MYO9A: variants seen among roughly 807,000 people sequenced by gnomAD.
MYO9A encodes the protein myosin IXA, also known as unconventional myosin-IXa.
MYO9A carries 103 observed loss-of-function variants against 293.3 expected under a neutral mutation model. The observed-to-expected ratio is 0.35, with a 90% CI of 0.30 to 0.41. MYO9A has a LOEUF of 0.41. MYO9A is among the 10% of genes least tolerant of loss of function. The pLI, the probability that MYO9A is intolerant of heterozygous loss-of-function variation, is 1.00. For missense variants in MYO9A, 2,685 were observed against 3,033.0 expected (o/e 0.89, Z 2.69); for synonymous variants, 1,001 against 1,035.7 (o/e 0.97, Z 0.64).
chr15:71,982,554 T>C (rs1242974011), intron 11 of MYO9A, among the ~76,000 whole-genome samples: 1 of 152,210 alleles, frequency 6.6e-6, no homozygotes. Flanking sequence ...CAGTTATATA[T>C]TTGATTTTTA....
At chr15:71,849,077 A>G in intron 38 of MYO9A, 109 bp from the exon 39 acceptor site, 1 of 1,052,366 alleles carries the variant, frequency 9.5e-7, no homozygotes, top group South Asian at 1.9e-5. Flanking sequence ...GAAAAAATTA[A>G]CATCCCTTAC....
intron 32 of MYO9A, among the ~76,000 whole-genome samples, chr15:71,864,412 A>C (rs918588697): frequency 2.6e-5 from 4 of 152,176 alleles, no homozygotes; most frequent in African/African-American, 9.6e-5. Flanking sequence ...CACTTGGAAA[A>C]CAGCATGGCA....
At chr15:71,913,525 A>T (rs1347612885) in intron 19 of MYO9A, among the ~76,000 whole-genome samples, 1 of 152,206 alleles carries the variant, frequency 6.6e-6, no homozygotes, top group Admixed American at 6.5e-5. Flanking sequence ...CATTATAGCT[A>T]ATTTGACATT....
chr15:71,934,786 CTTTTT>C (rs1167613386), intron 17 of MYO9A, among the ~76,000 whole-genome samples: 4 of 61,788 alleles, frequency 6.5e-5, no homozygotes, highest in South Asian at 7.9e-4. Flanking sequence ...CTTTTCTTTT[CTTTTT>C]TTTTTTTTTT....
chr15:72,016,934 A>C (rs1035475177), intron 6 of MYO9A, among the ~76,000 whole-genome samples: 4 of 151,564 alleles, frequency 2.6e-5, no homozygotes, highest in Non-Finnish European at 5.9e-5. Context: ...GACCATTATT[A>C]ACCCCTAAAA....
At chr15:71,930,695 T>A (rs2145661776) in intron 18 of MYO9A, among the ~76,000 whole-genome samples, 1 of 152,318 alleles carries the variant, frequency 6.6e-6, no homozygotes, top group African/African-American at 2.4e-5. Context: ...TCCATTTACA[T>A]TCAAACCAGT....
chr15:71,977,618 T>C (rs1468829204), intron 12 of MYO9A, among the ~76,000 whole-genome samples: 2 of 151,084 alleles, frequency 1.3e-5, no homozygotes, highest in Admixed American at 1.3e-4. Flanking sequence ...GAAAGAAACA[T>C]GTAACCAAAA....
intron 18 of MYO9A, among the ~76,000 whole-genome samples, chr15:71,919,116 T>C (rs1274268474): frequency 6.6e-6 from 1 of 152,208 alleles, no homozygotes; most frequent in East Asian, 1.9e-4. Context: ...TTCATTTATT[T>C]GTTAATTTGT....
At chr15:71,849,849 A>C (rs1011144166) in intron 38 of MYO9A, among the ~76,000 whole-genome samples, 187 bp downstream of exon 38, 1 of 152,254 alleles carries the variant, frequency 6.6e-6, no homozygotes, top group African/African-American at 2.4e-5. Context: ...AGATGCTTTA[A>C]GACAAATGAT....
chr15:72,076,279 T>C (rs1449454435), intron 1 of MYO9A, among the ~76,000 whole-genome samples: 1 of 144,170 alleles, frequency 6.9e-6, no homozygotes, highest in Non-Finnish European at 1.5e-5. Flanking sequence ...CACTCCAGCC[T>C]GGGCGACAGA....
At chr15:71,848,710 C>T in intron 39 of MYO9A, 135 bp downstream of exon 39, 1 of 1,004,210 alleles carries the variant, frequency 1.0e-6, no homozygotes, top group South Asian at 2.2e-5. Flanking sequence ...ATCCATAGCA[C>T]CTTGAGATTT....
chr15:71,922,868 CT>C (rs1290389374), intron 18 of MYO9A, among the ~76,000 whole-genome samples: 1 of 151,890 alleles, frequency 6.6e-6, no homozygotes, highest in South Asian at 2.1e-4. Flanking sequence ...ATTTCTATGC[CT>C]TTTTTTTCTT....
chr15:71,897,662 G>A lies in MYO9A; in HGVS notation c.4841C>T (p.Ser1614Phe). 2 of 1,614,150 alleles carry A rather than the reference G, an allele frequency of 1.2e-6. No individual in the cohort carries two copies. Among genetic ancestry groups the A allele is most frequent in the Non-Finnish European group, 8.5e-7 (1 of 1,180,026 alleles). Reference sequence around the variant, plus strand: ...CTTGGATAATTCCTTGACAGTACTAGATTGGCATGGACTTCCTTTTCTTTC... The same window carrying A: ...CTTGGATAATTCCTTGACAGTACTAAATTGGCATGGACTTCCTTTTCTTTC... ...FFERKGSPCQ[S>F]STVKELSKTD... The change falls in exon 25 of 42, where the codon TCT becomes TTT. Residue 1614 changes from serine to phenylalanine, a missense_variant. Around this residue, in one of 10 missense-constraint regions of MYO9A, gnomAD observed 1,434 missense variants for 1,497.7 expected, o/e 0.96. Transcript: ENST00000356056.
intron 10 of MYO9A, 99 bp downstream of exon 10, chr15:71,994,370 A>G: frequency 1.6e-6 from 1 of 642,888 alleles, no homozygotes; most frequent in Non-Finnish European, 2.5e-6. Context: ...TTTCTTACTT[A>G]TTACTCTATA....
chr15:72,094,919 G>A lies in MYO9A; in HGVS notation c.-72+22761C>T, dbSNP rs1247731479. ...CCAAAAATCATGACCATATAAGACA[G>A]TGAACTTAATCAATCAATGTTATGT... On this transcript the variant is annotated intron_variant, in intron 1 of 41. Transcript: ENST00000356056. Among the ~76,000 whole-genome samples, 8 of 91,672 alleles carry A rather than the reference G, an allele frequency of 8.7e-5. 4 individuals are homozygous for A. Among genetic ancestry groups the A allele is most frequent in the Non-Finnish European group, 6.6e-5 (2 of 30,364 alleles). The allele number at this position is 91,672 out of a possible 152,430, so 60.1% of individuals were successfully genotyped here. A position where few individuals can be genotyped will look rare whatever the true frequency, so the allele number is the denominator to read the frequency against.
At chr15:72,085,375 G>C (rs2079685276) in intron 1 of MYO9A, among the ~76,000 whole-genome samples, 1 of 150,356 alleles carries the variant, frequency 6.7e-6, no homozygotes, top group South Asian at 2.1e-4. Flanking sequence ...CCTGGCGACA[G>C]AGTGAGAGAG....
chr15:72,086,435 C>T (rs1314721748), intron 1 of MYO9A, among the ~76,000 whole-genome samples: 2 of 106,468 alleles, frequency 1.9e-5, no homozygotes, highest in South Asian at 3.1e-4. Flanking sequence ...GGGGCACTGG[C>T]GGGGTGGGGC....
intron 3 of MYO9A, 73 bp from the exon 4 acceptor site, chr15:72,027,866 T>C (rs1159725870): frequency 9.0e-7 from 1 of 1,114,184 alleles, no homozygotes; most frequent in Admixed American, 2.1e-5. Context: ...TTGGAGACAG[T>C]GTAAAAGTAT....
chr15:71,938,852 T>C lies in MYO9A; in HGVS notation c.2378A>G (p.His793Arg), dbSNP rs2058700190. The change falls in exon 16 of 42, where the codon CAT becomes CGT. Residue 793 changes from histidine (H) to arginine (R), a missense_variant and splice_region_variant. Transcript: ENST00000356056. ...GAAAACATAAACCAAACACACTTAC[T>C]GTTGGTTTTTTTCATTTAGAGCATT... The part of the protein sequence containing the change: ...GMNALNEKNQ[H>R]DTFDIAWNGR... 1 of 1,604,922 alleles carries C rather than the reference T, an allele frequency of 6.2e-7. No homozygotes were observed. Among genetic ancestry groups the C allele is most frequent in the Non-Finnish European group, 8.5e-7 (1 of 1,174,304 alleles).
Sources: gnomAD v4.1 joint callset for allele counts (sites outside exome capture counted in the v4.1 genomes callset) on GRCh38, gnomAD v4.1.1 for gene constraint, gnomAD v4.1.1 regional missense constraint, MANE v1.5 for transcripts, NCBI Gene and HGNC (gene_info 2026-07-23, HGNC 2026-07-21) for gene names.